The following MACF1 variants were observed in gnomAD, a reference collection of about 807,000 sequenced individuals.
The protein encoded by MACF1 is microtubule-actin cross-linking factor 1.
Under a neutral mutation model 854.8 loss-of-function variants are expected in MACF1, and 193 were observed. The observed-to-expected ratio is 0.23, with a 90% CI of 0.20 to 0.25. MACF1 has a LOEUF of 0.25. Ranked by LOEUF, MACF1 falls within the 10% of genes least tolerant of loss-of-function variation. The pLI, the probability that MACF1 is intolerant of heterozygous loss-of-function variation, is 1.00. For synonymous variants in MACF1, 3,185 were observed against 3,226.7 expected, an observed-to-expected ratio of 0.99 and a Z score of 0.44; for missense variants, 7,722 against 8,929.1, an observed-to-expected ratio of 0.86 and a Z score of 5.45.
At chr1:39,273,735 C>T (rs1046278554) in intron 6 of MACF1, among the ~76,000 whole-genome samples, 2 of 151,966 alleles carry the variant, frequency 1.3e-5, no homozygotes, top group South Asian at 2.1e-4. Context: ...GGACTACAGG[C>T]GCCTGCCACC....
chr1:39,183,863 C>A (rs1571145717), intron 2 of MACF1, among the ~76,000 whole-genome samples: 1 of 152,248 alleles, frequency 6.6e-6, no homozygotes, highest in East Asian at 1.9e-4. Context: ...TGGGTGGCAC[C>A]CTGCCCCCAC....
intron 2 of MACF1, among the ~76,000 whole-genome samples, chr1:39,170,250 A>T (rs1192662097): frequency 6.6e-6 from 1 of 152,182 alleles, no homozygotes; most frequent in Admixed American, 6.5e-5. Flanking sequence ...TTATCTATCT[A>T]TTGAAATGGT....
chr1:39,309,555 CTG>C lies in MACF1; in HGVS notation c.2790-11_2790-10del. ...GTCTTACAAAGGTAATAGTCAGGTT[CTG>C]TGTTATTTCTAGGGTCGAACAATCT... On this transcript the variant is annotated splice_polypyrimidine_tract_variant and intron_variant, in intron 23 of 100. Transcript: ENST00000564288. The C allele has an allele frequency of 6.2e-7, 1 of 1,613,690 alleles. No individual in the cohort carries two copies. Among genetic ancestry groups the C allele is most frequent in the Non-Finnish European group, 8.5e-7 (1 of 1,179,862 alleles).
In MACF1 at chr1:39,235,355, C is replaced by T. The variant is rs1043301661; in HGVS notation, c.171+4112C>T. On this transcript the variant is annotated intron_variant, in intron 2 of 100. Coordinates refer to ENST00000564288, the MANE Select transcript of MACF1 (RefSeq NM_001394062.1). ...CCCGTCTCCACCAAAACCAGTCAGG[C>T]GTGGTGGCGCGAGCCTGCAATCGCA... Among the ~76,000 whole-genome samples the T allele has an allele frequency of 4.0e-4, 61 of 152,312 alleles. 1 individual carries two copies. The highest frequency in any genetic ancestry group is 1.4e-3 in the African/African-American group (59 of 41,564).
Position 39,094,536 on chromosome 1 carries a change from C to T in MACF1, c.220+10098C>T, listed in dbSNP as rs143401018. ...CAGGAGTTCGATACCAGCCTCAACA[C>T]GGAGAAACCCTGTCTCTACTAAAAA... is the stretch of plus-strand genomic sequence containing the variant. On this transcript the variant is annotated intron_variant, in intron 2 of 93. Coordinates refer to the MACF1 transcript ENST00000361689. 2.4e-3 allele frequency among the ~76,000 whole-genome samples: 365 copies of T among 152,048 alleles called. 2 individuals carry two copies. The highest frequency in any genetic ancestry group is 7.8e-3 in the African/African-American group (323 of 41,492).
chr1:39,273,670 C>T (rs1487197790), intron 6 of MACF1, among the ~76,000 whole-genome samples: 1 of 151,804 alleles, frequency 6.6e-6, no homozygotes, highest in African/African-American at 2.4e-5. Flanking sequence ...CCTACCTCAG[C>T]TCACTGAACC....
upstream of MACF1, among the ~76,000 whole-genome samples, chr1:39,202,935 A>C (rs545893461): frequency 6.6e-6 from 1 of 152,288 alleles, no homozygotes; most frequent in East Asian, 1.9e-4. Context: ...AAAAGTTCCC[A>C]TTGTATTAGT....
intron 58 of MACF1, among the ~76,000 whole-genome samples, chr1:39,418,412 A>G (rs551918065): frequency 6.6e-6 from 1 of 152,374 alleles, no homozygotes; most frequent in East Asian, 1.9e-4. Context: ...ACCCACAGAA[A>G]TTGATGGAAT....
rs139069094 is a variant in MACF1, at chr1:39,468,223, A to G, written c.21772-392A>G. On this transcript the variant is annotated intron_variant, in intron 95 of 100. Transcript: ENST00000564288. ...GCAAACATGTTGAAACCCCGTCTCT[A>G]CTAACAATACAAAAATTAGCTGGGC... 6.0e-3 allele frequency: 1,009 copies of G among 169,240 alleles called. 14 individuals are homozygous for G. Among genetic ancestry groups the G allele is most frequent in the African/African-American group, 0.022 (916 of 41,726 alleles). 10.5% of individuals were successfully genotyped at this position (169,240 alleles called of 1,614,324 possible).
chr1:39,171,408 C>T (rs563838603), intron 2 of MACF1, among the ~76,000 whole-genome samples: 1 of 152,088 alleles, frequency 6.6e-6, no homozygotes, highest in African/African-American at 2.4e-5. Context: ...AAATGGAAAT[C>T]CCATATCCAT....
intron 97 of MACF1, among the ~76,000 whole-genome samples, chr1:39,476,968 C>T (rs1201245961): frequency 7.0e-6 from 1 of 143,064 alleles, no homozygotes; most frequent in Non-Finnish European, 1.5e-5. Flanking sequence ...ACTTCTAAAA[C>T]ATGGATGTCT....
intron 66 of MACF1, 94 bp from the exon 67 acceptor site, chr1:39,432,441 T>C (rs1349553002): frequency 4.4e-6 from 5 of 1,136,260 alleles, no homozygotes; most frequent in African/African-American, 1.6e-5. Flanking sequence ...ACTGTATTAC[T>C]GAAAATCCAG....
chr1:39,165,688 A>T (rs922661401), intron 2 of MACF1, among the ~76,000 whole-genome samples: 1 of 152,140 alleles, frequency 6.6e-6, no homozygotes, highest in East Asian at 1.9e-4. Flanking sequence ...TGTGGTTTCT[A>T]TTGGTTGTTG....
intron 47 of MACF1, 33 bp downstream of exon 47, chr1:39,359,297 T>C (rs1485078862): frequency 6.2e-7 from 1 of 1,609,848 alleles, no homozygotes; most frequent in Admixed American, 1.7e-5. Context: ...TAGTACTCCC[T>C]TAATTCCTAG....
chr1:39,358,834 T>G lies in MACF1; in HGVS notation c.12081T>G (p.Ser4027=). 1.2e-6 allele frequency: 2 copies of G among 1,612,462 alleles called. No homozygotes were observed. Among genetic ancestry groups the G allele is most frequent in the African/African-American group, 1.3e-5 (1 of 74,896 alleles). The change falls in exon 46 of 101, where the codon TCT becomes TCG. Residue 4027 remains serine, a synonymous_variant. Transcript: ENST00000564288. The part of the protein sequence containing the change: ...VEKLLSDTVA[S]DPGVLQEQLA... ...AGCTCCTCTCAGATACTGTTGCCTC[T>G]GACCCTGGAGTTCTCCAGGAGCAGC...
rs547900184 is a variant in MACF1, at chr1:39,297,695, G to A, written c.2431G>A (p.Asp811Asn). 1 of 1,614,072 alleles carries A rather than the reference G, an allele frequency of 6.2e-7. No homozygotes were observed. Among genetic ancestry groups the A allele is most frequent in the African/African-American group, 1.3e-5 (1 of 75,022 alleles). Reference sequence around the variant, plus strand: ...TTCCATTAAACGAAAATATTCCTGTGACCACAACACCAGCTTATCCCGCCT... The same window carrying A: ...TTCCATTAAACGAAAATATTCCTGTAACCACAACACCAGCTTATCCCGCCT... The part of the protein sequence containing the change: ...QDSIKRKYSC[D>N]HNTSLSRLED... The change falls in exon 21 of 101, where the codon GAC becomes AAC. Residue 811 changes from aspartate (D) to asparagine (N), a missense_variant. By Grantham distance (23) the Asp-to-Asn change is conservative. Coordinates refer to ENST00000564288, the MANE Select transcript of MACF1 (RefSeq NM_001394062.1).
chr1:39,400,482 CT>C (rs201840144), intron 58 of MACF1, among the ~76,000 whole-genome samples: 6,454 of 143,426 alleles, frequency 0.045, 368 homozygotes, highest in African/African-American at 0.13. Context: ...ATTGTGAAAT[CT>C]TTTTTTTTTT....
At chr1:39,469,477 G>C in intron 96 of MACF1, 70 bp from the exon 97 acceptor site, 1 of 1,190,488 alleles carries the variant, frequency 8.4e-7, no homozygotes, top group Middle Eastern at 1.9e-4. Context: ...CTGCCAATTT[G>C]TCTTTCTTGA....
chr1:39,415,845 G>A (rs1643284930), intron 58 of MACF1, among the ~76,000 whole-genome samples: 3 of 152,148 alleles, frequency 2.0e-5, no homozygotes, highest in African/African-American at 4.8e-5. Flanking sequence ...CTGAACACAA[G>A]AGATGACTGA....
Sources: gnomAD v4.1 joint callset for allele counts (sites outside exome capture counted in the v4.1 genomes callset) on GRCh38, gnomAD v4.1.1 for gene constraint, MANE v1.5 for transcripts, NCBI Gene and HGNC (gene_info 2026-07-23, HGNC 2026-07-21) for gene names.